The following PINX1 variants were observed in gnomAD, a reference collection of about 807,000 sequenced individuals.
PINX1 encodes the protein PIN2 (TERF1) interacting telomerase inhibitor 1.
PINX1 carries 34 observed loss-of-function variants against 25.4 expected under a neutral mutation model. The observed-to-expected ratio is 1.34, with a 90% confidence interval of 1.02 to 1.78. The LOEUF is 1.78. Ranked by LOEUF, PINX1 falls within the 40% of genes most tolerant of loss-of-function variation. PINX1 has a pLI of 0.00. For synonymous variants in PINX1, 197 were observed against 147.7 expected (o/e 1.33, Z -2.42); for missense variants, 592 against 404.9 (o/e 1.46, Z -3.97).
At chr8:10,780,561 A>G (rs1010618258) in intron 6 of PINX1, among the ~76,000 whole-genome samples, 1 of 152,168 alleles carries the variant, frequency 6.6e-6, no homozygotes, top group Non-Finnish European at 1.5e-5. Flanking sequence ...ATCCCAAACA[A>G]ATGAAAACCT....
intron 5 of PINX1, chr8:10,825,342 C>T (rs1193170598): frequency 1.9e-6 from 1 of 534,738 alleles, no homozygotes; most frequent in Non-Finnish European, 3.8e-6. Context: ...TCCAACCTCC[C>T]AGGAAAGAAC....
At chr8:10,778,376 C>T (rs971691918) in intron 6 of PINX1, among the ~76,000 whole-genome samples, 4 of 152,062 alleles carry the variant, frequency 2.6e-5, no homozygotes, top group African/African-American at 4.8e-5. Flanking sequence ...AAATTGTTGT[C>T]GATGAAACCA....
intron 1 of PINX1, among the ~76,000 whole-genome samples, chr8:10,839,495 T>C (rs1798504532): frequency 6.6e-6 from 1 of 151,996 alleles, no homozygotes; most frequent in Admixed American, 6.5e-5. Context: ...CGACCCAGGG[T>C]GATTCTGAGA....
intron 6 of PINX1, among the ~76,000 whole-genome samples, chr8:10,773,637 G>A (rs931070527): frequency 1.3e-5 from 2 of 152,192 alleles, no homozygotes; most frequent in African/African-American, 4.8e-5. Flanking sequence ...TAACAGAGCT[G>A]TTAATTTTAT....
chr8:10,825,118 C>G (rs1482240959), intron 5 of PINX1, among the ~76,000 whole-genome samples: 1 of 152,222 alleles, frequency 6.6e-6, no homozygotes, highest in African/African-American at 2.4e-5. Context: ...GCCACGGCCT[C>G]TCACCTCAAC....
At chr8:10,812,586 G>C (rs182453464) in intron 6 of PINX1, among the ~76,000 whole-genome samples, 1 of 152,258 alleles carries the variant, frequency 6.6e-6, no homozygotes, top group Non-Finnish European at 1.5e-5. Context: ...TTCTTCCTTT[G>C]TCCAAACTGT....
chr8:10,817,539 C>T (rs145234765), intron 6 of PINX1, among the ~76,000 whole-genome samples: 4 of 152,266 alleles, frequency 2.6e-5, no homozygotes, highest in African/African-American at 9.6e-5. Flanking sequence ...GGTCATTTTG[C>T]TTTATAGAAA....
intron 6 of PINX1, among the ~76,000 whole-genome samples, chr8:10,777,137 C>T (rs1456423659): frequency 6.6e-6 from 1 of 152,216 alleles, no homozygotes; most frequent in Non-Finnish European, 1.5e-5. Context: ...ACAAAACAGC[C>T]CAGCAACTTC....
intron 6 of PINX1, among the ~76,000 whole-genome samples, chr8:10,791,518 C>A (rs1209450803): frequency 6.6e-6 from 1 of 152,186 alleles, no homozygotes; most frequent in African/African-American, 2.4e-5. Flanking sequence ...TGTGGCATGC[C>A]AGCTGGTAAA....
At chr8:10,783,441 C>A (rs1801654475) in intron 6 of PINX1, among the ~76,000 whole-genome samples, 1 of 152,168 alleles carries the variant, frequency 6.6e-6, no homozygotes. Flanking sequence ...GAACCCGTGT[C>A]TTTGCAGATA....
At chr8:10,825,342 C>A in intron 5 of PINX1, 1 of 534,738 alleles carries the variant, frequency 1.9e-6, no homozygotes, top group Non-Finnish European at 3.8e-6. Context: ...TCCAACCTCC[C>A]AGGAAAGAAC....
chr8:10,839,493 G>C (rs933707421), intron 1 of PINX1, among the ~76,000 whole-genome samples: 1 of 152,210 alleles, frequency 6.6e-6, no homozygotes, highest in Non-Finnish European at 1.5e-5. Context: ...CGCGACCCAG[G>C]GTGATTCTGA....
chr8:10,804,530 G>A (rs1248331950), intron 6 of PINX1, among the ~76,000 whole-genome samples: 1 of 152,128 alleles, frequency 6.6e-6, no homozygotes, highest in Non-Finnish European at 1.5e-5. Flanking sequence ...CTGCTGACAT[G>A]GGACAGCAGC....
intron 4 of PINX1, among the ~76,000 whole-genome samples, chr8:10,827,341 A>T (rs1798083817): frequency 6.6e-6 from 1 of 152,198 alleles, no homozygotes. Flanking sequence ...CAAAAGGAGC[A>T]GGAACACACC....
At chr8:10,829,914 C>G (rs1798178833) in intron 4 of PINX1, among the ~76,000 whole-genome samples, 1 of 152,140 alleles carries the variant, frequency 6.6e-6, no homozygotes, top group Admixed American at 6.5e-5. Context: ...AAACTCCCGA[C>G]CTCAGGTGAT....
At chr8:10,798,591 A>C (rs1325387299) in intron 6 of PINX1, among the ~76,000 whole-genome samples, 1 of 152,206 alleles carries the variant, frequency 6.6e-6, no homozygotes, top group African/African-American at 2.4e-5. Flanking sequence ...GGCAATTCAA[A>C]AGCTGCACCG....
intron 6 of PINX1, among the ~76,000 whole-genome samples, chr8:10,808,073 G>C (rs754721969): frequency 6.6e-6 from 1 of 152,104 alleles, no homozygotes; most frequent in Non-Finnish European, 1.5e-5. Flanking sequence ...ACCAAAAATT[G>C]TTACAGGAAA....
chr8:10,834,959 A>G (rs1798355522), intron 1 of PINX1, among the ~76,000 whole-genome samples, 184 bp from the exon 2 acceptor site: 1 of 152,236 alleles, frequency 6.6e-6, no homozygotes, highest in East Asian at 1.9e-4. Flanking sequence ...TGATTTCCCT[A>G]ATAAATGTAT....
chr8:10,836,642 G>C (rs906742229), intron 1 of PINX1, among the ~76,000 whole-genome samples: 1 of 142,320 alleles, frequency 7.0e-6, no homozygotes, highest in African/African-American at 2.6e-5. Flanking sequence ...ATGGCAGTTA[G>C]CTTCAATCAA....
Sources: gnomAD v4.1 joint callset for allele counts (sites outside exome capture counted in the v4.1 genomes callset) on GRCh38, gnomAD v4.1.1 for gene constraint, MANE v1.5 for transcripts, NCBI Gene and HGNC (gene_info 2026-07-23, HGNC 2026-07-21) for gene names.